DMXL1: variants seen among roughly 807,000 people sequenced by gnomAD.
DMXL1 encodes the protein dmX-like protein 1.
A neutral mutation model predicts 319.2 loss-of-function variants in DMXL1; 99 were observed. That is an observed-to-expected ratio of 0.31 (90% CI 0.26 to 0.37). The LOEUF is 0.37. DMXL1 is among the 10% of genes least tolerant of loss of function. The pLI is 1.00. For synonymous variants in DMXL1, 1,385 were observed against 1,235.2 expected, an observed-to-expected ratio of 1.12 and a Z score of -2.54; for missense variants, 3,745 against 3,595.6, an observed-to-expected ratio of 1.04 and a Z score of -1.06.
intron 25 of DMXL1, among the ~76,000 whole-genome samples, chr5:119,173,346 C>G (rs1774982284): frequency 6.8e-6 from 1 of 147,824 alleles, no homozygotes; most frequent in Admixed American, 6.6e-5. Context: ...GCGCCCACCC[C>G]CCGCCAAAAA....
At chr5:119,145,660 T>G (rs72784084) in intron 15 of DMXL1, among the ~76,000 whole-genome samples, 2 of 151,810 alleles carry the variant, frequency 1.3e-5, no homozygotes, top group South Asian at 4.1e-4. Flanking sequence ...AGTTTTTCTG[T>G]GTTCTTCTTG....
chr5:119,196,544 TG>T (rs1209191959), intron 31 of DMXL1, 88 bp downstream of exon 31: 4 of 888,426 alleles, frequency 4.5e-6, no homozygotes, highest in Admixed American at 2.3e-5. Flanking sequence ...TGGTCTGGAC[TG>T]GGGGGAAAAT....
intron 34 of DMXL1, among the ~76,000 whole-genome samples, chr5:119,216,094 C>CAAAAAAA (rs773591355): frequency 5.4e-5 from 2 of 37,358 alleles, no homozygotes; most frequent in African/African-American, 9.8e-5. Context: ...GCATCCATCT[C>CAAAAAAA]AAAAAAAAAA....
chr5:119,193,149 A>T (rs961170219), intron 29 of DMXL1, among the ~76,000 whole-genome samples: 3 of 152,104 alleles, frequency 2.0e-5, no homozygotes, highest in African/African-American at 7.2e-5. Context: ...TTAGCATATA[A>T]ACCTCAGTAC....
Position 119,148,886 on chromosome 5 carries a change from C to G in DMXL1, c.3059C>G (p.Ala1020Gly). Reference sequence around the variant, plus strand: ...TCAAAGAATGGAAAAATTGATCTTGCATACATTTGGGAAGAATGGCCATTA... The same window carrying G: ...TCAAAGAATGGAAAAATTGATCTTGGATACATTTGGGAAGAATGGCCATTA... ...ATSKNGKIDL[A>G]YIWEEWPLLI... is the part of the protein sequence containing the mutation. Residue 1020 changes from alanine to glycine, a missense_variant, in exon 18 of 44, where the codon GCA (alanine) becomes GGA (glycine). Coordinates refer to ENST00000539542, the MANE Select transcript of DMXL1 (RefSeq NM_001290321.3). The G allele has an allele frequency of 1.2e-6, 2 of 1,613,786 alleles. No homozygotes were observed. The highest frequency in any genetic ancestry group is 8.5e-7 in the Non-Finnish European group (1 of 1,179,808).
chr5:119,112,086 A>G (rs1211561196), intron 5 of DMXL1, among the ~76,000 whole-genome samples: 1 of 151,726 alleles, frequency 6.6e-6, no homozygotes, highest in Non-Finnish European at 1.5e-5. Flanking sequence ...TCGGCCTCCC[A>G]AGTAGTTGGG....
rs1384641820 is a variant in DMXL1 at position 119,197,869 on chromosome 5, C to T, written c.7658C>T (p.Ala2553Val). 6 of 1,614,060 alleles carry T rather than the reference C, an allele frequency of 3.7e-6. No individual in the cohort carries two copies. The highest frequency in any genetic ancestry group is 5.1e-6 in the Non-Finnish European group (6 of 1,180,024). ...GGTGGGCCACCTCAAAATTATATCG[C>T]AAGTCATACCGCCGAAGAGAGTTTG... ...IHGGPPQNYI[A>V]SHTAEESLSA... Residue 2553 changes from alanine to valine, a missense_variant, in exon 32 of 44, where the codon GCA becomes GTA. Transcript: ENST00000539542.
At chr5:119,192,507 T>C (rs969571303) in intron 29 of DMXL1, among the ~76,000 whole-genome samples, 6 of 152,192 alleles carry the variant, frequency 3.9e-5, no homozygotes, top group African/African-American at 1.4e-4. Context: ...TTCTACTGCC[T>C]TTTTCCCCTT....
At chr5:119,093,465 G>C (rs1333693909) in intron 1 of DMXL1, among the ~76,000 whole-genome samples, 1 of 152,072 alleles carries the variant, frequency 6.6e-6, no homozygotes, top group Non-Finnish European at 1.5e-5. Context: ...TATCTGTTAT[G>C]ATGATCAGTG....
At chr5:119,146,481 T>C (rs921487391) in intron 15 of DMXL1, among the ~76,000 whole-genome samples, 1 of 151,994 alleles carries the variant, frequency 6.6e-6, no homozygotes, top group Non-Finnish European at 1.5e-5. Context: ...GAAAAATGTT[T>C]GGCACCACCA....
chr5:119,154,341 T>C (rs960765229), intron 19 of DMXL1, among the ~76,000 whole-genome samples: 8 of 152,182 alleles, frequency 5.3e-5, no homozygotes, highest in Non-Finnish European at 8.8e-5. Flanking sequence ...AAATTGTAAA[T>C]GCAAAGGACA....
intron 31 of DMXL1, 56 bp downstream of exon 31, chr5:119,196,512 G>C: frequency 4.6e-6 from 3 of 656,678 alleles, no homozygotes; most frequent in Middle Eastern, 9.3e-4. Context: ...TTACTACTCT[G>C]TTGTTTTTTT....
chr5:119,125,703 T>TAC (rs1273805591), intron 9 of DMXL1, among the ~76,000 whole-genome samples: 1 of 152,004 alleles, frequency 6.6e-6, no homozygotes, highest in Non-Finnish European at 1.5e-5. Flanking sequence ...TAGCTGGGAC[T>TAC]ACAGACGCCC....
At chr5:119,091,670 A>C (rs1754823292) in intron 1 of DMXL1, among the ~76,000 whole-genome samples, 1 of 152,190 alleles carries the variant, frequency 6.6e-6, no homozygotes, top group African/African-American at 2.4e-5. Context: ...CCTTAAGTCC[A>C]GGTTCACCTT....
chr5:119,123,512 T>A (rs927657316), intron 9 of DMXL1, among the ~76,000 whole-genome samples: 2 of 151,892 alleles, frequency 1.3e-5, no homozygotes, highest in Non-Finnish European at 2.9e-5. Context: ...GCTCACTGAT[T>A]TCTGTTTGTT....
chr5:119,225,793 A>G (rs1785438674), intron 38 of DMXL1, among the ~76,000 whole-genome samples: 1 of 152,186 alleles, frequency 6.6e-6, no homozygotes, highest in South Asian at 2.1e-4. Context: ...TGTTTTCACT[A>G]CATCAAATTT....
chr5:119,110,526 C>A (rs1353566846), intron 5 of DMXL1, among the ~76,000 whole-genome samples: 1 of 152,116 alleles, frequency 6.6e-6, no homozygotes, highest in Non-Finnish European at 1.5e-5. Context: ...CCATTAAATA[C>A]AAACTTGCCA....
In DMXL1 at chr5:119,116,455, A is replaced by G; in HGVS notation, c.743+119A>G. ...GGACTTCTGAGCCTATGAAGATTAG[A>G]GTAATATTAAATCGTCTCTGGCCTG... On this transcript the variant is annotated intron_variant, in intron 7 of 43. Transcript: ENST00000539542. 3 of 1,116,474 alleles carry G rather than the reference A, an allele frequency of 2.7e-6. No homozygotes were observed. The South Asian group carries it at 4.8e-5, about 18-fold the overall frequency. 69.2% of individuals were successfully genotyped at this position (1,116,474 alleles called of 1,614,324 possible). A position where few individuals can be genotyped will look rare whatever the true frequency, so the allele number is the denominator to read the frequency against.
At chr5:119,196,515 G>GTTTTT (rs537016412) in intron 31 of DMXL1, 59 bp downstream of exon 31, 194 of 560,342 alleles carry the variant, frequency 3.5e-4, no homozygotes, top group South Asian at 6.4e-4. Context: ...CTACTCTGTT[G>GTTTTT]TTTTTTTTTT....
Sources: allele counts gnomAD v4.1 joint callset (sites outside exome capture counted in the v4.1 genomes callset), GRCh38; gene constraint gnomAD v4.1.1; transcripts MANE v1.5; gene names NCBI Gene and HGNC (gene_info 2026-07-23, HGNC 2026-07-21).